Variants in RALYL observed in about 807,000 individuals in gnomAD.
The protein encoded by RALYL is RNA-binding Raly-like protein.
A neutral mutation model predicts 35.1 loss-of-function variants in RALYL; 29 were observed. That is an observed-to-expected ratio of 0.83 (90% CI 0.61 to 1.13). The LOEUF is 1.13. Ranked by LOEUF, RALYL falls within the 50% of genes most tolerant of loss-of-function variation. The pLI, the probability that RALYL is intolerant of heterozygous loss-of-function variation, is 0.00. For missense variants in RALYL, 359 were observed against 360.4 expected (o/e 1.00, Z 0.03); for synonymous variants, 120 against 127.6 (o/e 0.94, Z 0.40).
At chr8:84,548,644 G>T (rs958184488) in intron 2 of RALYL, among the ~76,000 whole-genome samples, 6 of 152,134 alleles carry the variant, frequency 3.9e-5, no homozygotes, top group African/African-American at 1.4e-4. Context: ...GATAAAGTAA[G>T]GCAGAATAGA....
intron 1 of RALYL, among the ~76,000 whole-genome samples, chr8:84,476,344 T>C (rs577382461): frequency 3.9e-5 from 6 of 152,278 alleles, no homozygotes; most frequent in African/African-American, 7.2e-5. Flanking sequence ...TAGTCAAAAC[T>C]CTTTTCAAGC....
rs142264280 is a variant in RALYL, at chr8:84,361,427, G to C, written c.-23-167872G>C. On this transcript the variant is annotated intron_variant, in intron 1 of 8. Coordinates refer to ENST00000521268, the MANE Select transcript of RALYL (RefSeq NM_173848.7). ...AAATGCACTCACTGGAGAGGCATTG[G>C]AAGAAATTGTACAGAGAAGAAACTG... Among the ~76,000 whole-genome samples, 365 of 152,276 alleles carry C rather than the reference G, an allele frequency of 2.4e-3. 2 individuals carry two copies. The highest frequency in any genetic ancestry group is 8.0e-3 in the African/African-American group (331 of 41,586).
Position 84,605,294 on chromosome 8 carries a change from C to A in RALYL, c.256+75717C>A, listed in dbSNP as rs925018384. ...CCTCAGGCCTGAGTACCTCTGCATT[C>A]TAATCAAAGAACATCGTCTTTTTAT... On this transcript the variant is annotated intron_variant, in intron 2 of 8. Transcript: ENST00000521268. 2.0e-5 allele frequency among the ~76,000 whole-genome samples: 3 copies of A among 152,102 alleles called. 1 individual carries two copies. The highest frequency in any genetic ancestry group is 7.2e-5 in the African/African-American group (3 of 41,438).
intron 1 of RALYL, among the ~76,000 whole-genome samples, chr8:84,422,422 A>C (rs1203486158): frequency 1.5e-5 from 2 of 133,370 alleles, no homozygotes; most frequent in African/African-American, 3.1e-5. Flanking sequence ...TATTATGTCT[A>C]TTTGATTCTT....
At chr8:84,387,718 G>C (rs1859547548) in intron 1 of RALYL, among the ~76,000 whole-genome samples, 1 of 151,402 alleles carries the variant, frequency 6.6e-6, no homozygotes, top group Admixed American at 6.6e-5. Flanking sequence ...CTACCACTCA[G>C]CTCCAGCTCT....
chr8:84,724,891 T>G (rs1312899331), intron 2 of RALYL, among the ~76,000 whole-genome samples: 4 of 151,690 alleles, frequency 2.6e-5, no homozygotes, highest in African/African-American at 9.7e-5. Context: ...TCTCTCCAAA[T>G]AGAATACTTC....
intron 1 of RALYL, among the ~76,000 whole-genome samples, chr8:84,477,507 T>C (rs984858688): frequency 5.3e-5 from 8 of 149,678 alleles, no homozygotes; most frequent in African/African-American, 1.7e-4. Flanking sequence ...ATTCAATATA[T>C]ATATCAAATG....
intron 1 of RALYL, among the ~76,000 whole-genome samples, chr8:84,464,046 G>A (rs1344901096): frequency 6.6e-6 from 1 of 151,362 alleles, no homozygotes; most frequent in East Asian, 1.9e-4. Flanking sequence ...GCATTTATCA[G>A]TAGTGAGTTC....
chr8:84,756,167 C>CA (rs1189580144), intron 2 of RALYL, among the ~76,000 whole-genome samples: 1 of 151,776 alleles, frequency 6.6e-6, no homozygotes, highest in Non-Finnish European at 1.5e-5. Context: ...TCATCCCCCC[C>CA]AAAAAAACCA....
At position 84,730,995 on chromosome 8, in the gene RALYL, A is replaced by G. The variant is rs559939851; in HGVS notation, c.257-43584A>G. On this transcript the variant is annotated intron_variant, in intron 2 of 8. Coordinates refer to ENST00000521268, the MANE Select transcript of RALYL (RefSeq NM_173848.7). ...GTGGTGCAGAAGGAAGAAAAGGTGC[A>G]GAAGAAATAGGGGATAGAGGAGAAG... 2.0e-5 allele frequency among the ~76,000 whole-genome samples: 3 copies of G among 152,276 alleles called. No homozygotes were observed. The East Asian group carries it at 5.8e-4, about 29-fold the overall frequency.
At chr8:84,723,350 A>G (rs1844349021) in intron 2 of RALYL, among the ~76,000 whole-genome samples, 1 of 152,008 alleles carries the variant, frequency 6.6e-6, no homozygotes, top group Non-Finnish European at 1.5e-5. Flanking sequence ...CTACCAGTGC[A>G]GTACTGACTT....
chr8:84,512,755 A>G (rs769725454), intron 1 of RALYL, among the ~76,000 whole-genome samples: 12 of 152,062 alleles, frequency 7.9e-5, no homozygotes, highest in Non-Finnish European at 1.5e-4. Context: ...TGGATGTCCA[A>G]TTTTCCCAGC....
chr8:84,304,976 T>C (rs1446415063), intron 1 of RALYL, among the ~76,000 whole-genome samples: 1 of 152,214 alleles, frequency 6.6e-6, no homozygotes, highest in East Asian at 1.9e-4. Flanking sequence ...ATCATTATTT[T>C]ATTAAAACTG....
intron 2 of RALYL, among the ~76,000 whole-genome samples, chr8:84,591,085 T>C (rs1022116884): frequency 1.3e-5 from 2 of 152,176 alleles, no homozygotes; most frequent in Admixed American, 6.6e-5. Context: ...TTTGAGTGTA[T>C]GGTGAAATTA....
In RALYL at chr8:84,651,428, AAATTC is replaced by A. The variant is rs1162590176; in HGVS notation, c.256+121855_256+121859del. On this transcript the variant is annotated intron_variant, in intron 2 of 8. Coordinates refer to ENST00000521268, the MANE Select transcript of RALYL (RefSeq NM_173848.7). ...CAGTGAAGATAAAATACTTATGACT[AAATTC>A]AATCCTAATTATGAGACAAATAGGG... is the stretch of plus-strand genomic sequence containing the variant. 8.6e-5 allele frequency among the ~76,000 whole-genome samples: 13 copies of A among 152,038 alleles called. No individual in the cohort carries two copies. In the South Asian group the frequency reaches 2.7e-3, roughly 31 times the overall value.
chr8:84,377,942 T>C (rs1003685646), intron 1 of RALYL, among the ~76,000 whole-genome samples: 1 of 151,916 alleles, frequency 6.6e-6, no homozygotes, highest in African/African-American at 2.4e-5. Flanking sequence ...GAGAATGATA[T>C]GTGAAATTTT....
At chr8:84,272,724 A>G (rs1304759318) in intron 1 of RALYL, among the ~76,000 whole-genome samples, 1 of 152,214 alleles carries the variant, frequency 6.6e-6, no homozygotes, top group African/African-American at 2.4e-5. Context: ...AAAGTCAAGA[A>G]TGTCAGCCTG....
chr8:84,497,930 C>T (rs373694702), intron 1 of RALYL, among the ~76,000 whole-genome samples: 11 of 149,524 alleles, frequency 7.4e-5, no homozygotes, highest in African/African-American at 2.7e-4. Context: ...TGTGAGGAAC[C>T]ACGCCCAGCC....
chr8:84,552,200 G>A (rs867319463), intron 2 of RALYL, among the ~76,000 whole-genome samples: 4 of 150,628 alleles, frequency 2.7e-5, no homozygotes, highest in African/African-American at 7.3e-5. Flanking sequence ...CCAAAGTTGT[G>A]CAGAACTGGG....
Sources: gnomAD v4.1 joint callset for allele counts (sites outside exome capture counted in the v4.1 genomes callset) on GRCh38, gnomAD v4.1.1 for gene constraint, MANE v1.5 for transcripts, NCBI Gene and HGNC (gene_info 2026-07-23, HGNC 2026-07-21) for gene names.